Variants in TDRD5 observed in about 807,000 individuals in gnomAD.
TDRD5 encodes the protein tudor domain-containing protein 5.
Under a neutral mutation model 120.6 loss-of-function variants are expected in TDRD5, and 41 were observed. The observed-to-expected ratio is 0.34, with a 90% CI of 0.26 to 0.44. TDRD5 has a LOEUF of 0.44. TDRD5 is among the 20% of genes least tolerant of loss of function. TDRD5 has a pLI of 1.00. For synonymous variants in TDRD5, 430 were observed against 433.7 expected (o/e 0.99, Z 0.11); for missense variants, 1,006 against 1,221.2 (o/e 0.82, Z 2.63).
intron 11 of TDRD5, among the ~76,000 whole-genome samples, chr1:179,648,035 G>T (rs1039505267): frequency 9.9e-5 from 15 of 152,248 alleles, no homozygotes; most frequent in African/African-American, 3.6e-4. Flanking sequence ...GGAAGTCAGT[G>T]TGGCGATTCC....
At chr1:179,676,440 C>A (rs886501130) in intron 17 of TDRD5, among the ~76,000 whole-genome samples, 2 of 151,886 alleles carry the variant, frequency 1.3e-5, no homozygotes, top group African/African-American at 4.8e-5. Context: ...GTTATTGTTA[C>A]GTAGGTCCTG....
chr1:179,597,545 C>T (rs12086806), intron 4 of TDRD5, among the ~76,000 whole-genome samples: 12,941 of 151,702 alleles, frequency 0.085, 708 homozygotes, highest in African/African-American at 0.14. Context: ...TTGGTCAGGC[C>T]GGTCTTGAAC....
At chr1:179,682,098 T>C (rs1202174362) in intron 17 of TDRD5, among the ~76,000 whole-genome samples, 5 of 149,378 alleles carry the variant, frequency 3.3e-5, no homozygotes, top group Non-Finnish European at 7.4e-5. Flanking sequence ...CTATCATATA[T>C]ATAACTTTTG....
chr1:179,663,279 C>T, intron 15 of TDRD5, 69 bp from the exon 16 acceptor site: 1 of 1,504,940 alleles, frequency 6.6e-7, no homozygotes, highest in South Asian at 1.3e-5. Context: ...TTTATCTTGC[C>T]CAAGTTATCC....
intron 3 of TDRD5, among the ~76,000 whole-genome samples, chr1:179,594,169 C>T (rs947539726): frequency 2.6e-5 from 4 of 152,182 alleles, no homozygotes; most frequent in African/African-American, 9.7e-5. Context: ...AAGATCAGCT[C>T]TCTCTAGAAC....
At chr1:179,668,022 A>G (rs1296904175) in intron 16 of TDRD5, among the ~76,000 whole-genome samples, 1 of 152,216 alleles carries the variant, frequency 6.6e-6, no homozygotes, top group Non-Finnish European at 1.5e-5. Flanking sequence ...TCAGCTTGTT[A>G]CAGCTTGGTC....
rs1475303580 is a variant in TDRD5, at chr1:179,652,104, C to T, written c.2067C>T (p.Val689=). Residue 689 remains valine, a synonymous_variant, in exon 13 of 18, where the codon GTC becomes GTT. Coordinates refer to ENST00000444136, the MANE Select transcript of TDRD5 (RefSeq NM_001199085.3). ...CCAGTGGAGGGCCAGAGGACATTGT[C>T]TTGACAGAACTGGGTTATCCTTCCC... is the stretch of plus-strand genomic sequence containing the variant. The part of the protein sequence containing the change: ...TTSSGGPEDI[V]LTELGYPSQQ... 11 of 1,614,020 alleles carry T rather than the reference C, an allele frequency of 6.8e-6. No homozygotes were observed. In the East Asian group the frequency reaches 2.5e-4, roughly 36 times the overall value.
intron 16 of TDRD5, among the ~76,000 whole-genome samples, chr1:179,664,887 G>A (rs1014874660): frequency 1.3e-5 from 2 of 152,090 alleles, no homozygotes; most frequent in African/African-American, 4.8e-5. Context: ...GTCATTCAAA[G>A]TGGCTGCAAC....
At chr1:179,663,518 A>G (rs1471699477) in intron 16 of TDRD5, 27 bp downstream of exon 16, 1 of 1,588,810 alleles carries the variant, frequency 6.3e-7, no homozygotes, top group Non-Finnish European at 8.5e-7. Flanking sequence ...GGTTATTGGG[A>G]CAGGTTTGCA....
intron 7 of TDRD5, 120 bp from the exon 8 acceptor site, chr1:179,634,337 G>T: frequency 1.0e-6 from 1 of 986,670 alleles, no homozygotes; most frequent in Non-Finnish European, 1.5e-6. Flanking sequence ...TGTCTTTCTA[G>T]CACCTGGTGT....
At chr1:179,655,997 A>G (rs1171538398) in intron 14 of TDRD5, among the ~76,000 whole-genome samples, 3 of 152,330 alleles carry the variant, frequency 2.0e-5, no homozygotes, top group Admixed American at 1.3e-4. Flanking sequence ...TTGCTGGGTC[A>G]TGTGATAAGT....
In TDRD5 at chr1:179,663,374, T is replaced by C. The variant is rs777805235; in HGVS notation, c.2532T>C (p.Asp844=). The C allele has an allele frequency of 8.1e-6, 13 of 1,613,504 alleles. No homozygotes were observed. The highest frequency in any genetic ancestry group is 1.1e-5 in the Non-Finnish European group (13 of 1,179,810). ...QKDWCFSTPK[D]TWDDSWQPSG... The stretch of plus-strand genomic sequence containing the variant: ...ACTGGTGTTTTTCTACCCCTAAAGA[T>C]ACATGGGATGATTCTTGGCAGCCTT... The change falls in exon 16 of 18, where the codon GAT becomes GAC. Residue 844 remains aspartate (D), a synonymous_variant. Coordinates refer to ENST00000444136, the MANE Select transcript of TDRD5 (RefSeq NM_001199085.3).
intron 17 of TDRD5, among the ~76,000 whole-genome samples, chr1:179,684,257 C>T (rs1680582522): frequency 6.6e-6 from 1 of 152,106 alleles, no homozygotes; most frequent in Non-Finnish European, 1.5e-5. Context: ...TCCAAATGTT[C>T]TCATTGTTCA....
At chr1:179,667,886 A>C (rs1035386207) in intron 16 of TDRD5, among the ~76,000 whole-genome samples, 6 of 152,242 alleles carry the variant, frequency 3.9e-5, no homozygotes, top group African/African-American at 1.4e-4. Context: ...GATTTTTGCC[A>C]CAGAAGGAAC....
intron 17 of TDRD5, among the ~76,000 whole-genome samples, chr1:179,676,787 C>T (rs947705981): frequency 3.3e-5 from 5 of 152,180 alleles, no homozygotes; most frequent in African/African-American, 1.2e-4. Context: ...AGAGTCTTTC[C>T]TTGGTCTTGA....
At chr1:179,598,458 G>A (rs1468436878) in intron 4 of TDRD5, among the ~76,000 whole-genome samples, 1 of 152,164 alleles carries the variant, frequency 6.6e-6, no homozygotes, top group Non-Finnish European at 1.5e-5. Context: ...TGTTTGGGGG[G>A]AAAATGACAT....
intron 4 of TDRD5, among the ~76,000 whole-genome samples, chr1:179,612,236 A>T (rs1419000118): frequency 2.6e-5 from 4 of 152,218 alleles, no homozygotes; most frequent in Non-Finnish European, 5.9e-5. Context: ...TAAAATGAGG[A>T]TCAGAATGTC....
At chr1:179,646,993 A>G (rs539198126) in intron 11 of TDRD5, among the ~76,000 whole-genome samples, 4,275 of 150,034 alleles carry the variant, frequency 0.028, 204 homozygotes, top group African/African-American at 0.1. Context: ...CATGGGTAGG[A>G]AGAATCAATA....
chr1:179,622,471 A>G (rs560837864), intron 6 of TDRD5, among the ~76,000 whole-genome samples: 7 of 152,348 alleles, frequency 4.6e-5, no homozygotes, highest in African/African-American at 1.7e-4. Context: ...GAGATGATGC[A>G]GATATTGAAG....
Sources: gnomAD v4.1 joint callset for allele counts (sites outside exome capture counted in the v4.1 genomes callset) on GRCh38, gnomAD v4.1.1 for gene constraint, MANE v1.5 for transcripts, NCBI Gene and HGNC (gene_info 2026-07-23, HGNC 2026-07-21) for gene names.